UBR4: variants seen among roughly 807,000 people sequenced by gnomAD.
The protein encoded by UBR4 is ubiquitin protein ligase E3 component n-recognin 4, also known as E3 ubiquitin-protein ligase UBR4.
Under a neutral mutation model 575.6 loss-of-function variants are expected in UBR4, and 124 were observed. The ratio of observed to expected loss-of-function variants is 0.22; its 90% CI spans 0.19 to 0.25. The LOEUF (loss-of-function observed/expected upper bound fraction) is 0.25, where lower values mean the gene tolerates loss of function less well. Among genes scored for constraint, UBR4 ranks in the 10% least tolerant of loss-of-function variants. The pLI, the probability that UBR4 is intolerant of heterozygous loss-of-function variation, is 1.00. For synonymous variants in UBR4, 2,455 were observed against 2,473.7 expected (o/e 0.99, Z 0.22); for missense variants, 4,818 against 6,478.8 (o/e 0.74, Z 8.80).
chr1:19,145,351 A>G (rs1273507381), intron 53 of UBR4, among the ~76,000 whole-genome samples: 3 of 152,234 alleles, frequency 2.0e-5, no homozygotes, highest in Non-Finnish European at 4.4e-5. Context: ...CTATATTGCT[A>G]TTCAGACCCT....
chr1:19,107,397 C>T (rs2079336235), intron 81 of UBR4, among the ~76,000 whole-genome samples: 1 of 152,162 alleles, frequency 6.6e-6, no homozygotes, highest in African/African-American at 2.4e-5. Context: ...GCTGTTTGGC[C>T]TCAGAACCCT....
intron 14 of UBR4, 26 bp from the exon 15 acceptor site, chr1:19,185,312 A>C (rs2091414479): frequency 6.6e-7 from 1 of 1,503,808 alleles, no homozygotes; most frequent in Non-Finnish European, 8.9e-7. Context: ...TAAAGTAACG[A>C]AAATAAATAT....
rs1384169284 is a variant in UBR4, at chr1:19,156,780, A to G, written c.5906T>C (p.Val1969Ala). The G allele has an allele frequency of 6.2e-7, 1 of 1,613,316 alleles. No individual in the cohort carries two copies. The highest frequency in any genetic ancestry group is 1.1e-5 in the South Asian group (1 of 90,992). The change falls in exon 41 of 106, where the codon GTT becomes GCT. Residue 1969 changes from valine to alanine, a missense_variant. Val to Ala is a moderately conservative substitution (Grantham distance 64). Around this residue, in one of 29 missense-constraint regions of UBR4, gnomAD observed 461 missense variants for 606.9 expected, o/e 0.76. Coordinates refer to ENST00000375254, the MANE Select transcript of UBR4 (RefSeq NM_020765.3). ...CCGGATTTTTACCTTTAGCCCACAAACCGCCAAGTAGTCTTCCTTGCAGGG... is the reference window on the plus strand; with the variant it reads ...CCGGATTTTTACCTTTAGCCCACAAGCCGCCAAGTAGTCTTCCTTGCAGGG... ...GNPCKEDYLAVCGLKDCHVLT... is the reference protein window; with the variant it reads ...GNPCKEDYLAACGLKDCHVLT...
intron 52 of UBR4, 129 bp from the exon 53 acceptor site, chr1:19,146,062 C>G (rs776856786): frequency 6.4e-7 from 1 of 1,570,858 alleles, no homozygotes. Context: ...ATCAATATGC[C>G]AACTATCCCT....
chr1:19,116,341 A>G (rs901721214), intron 73 of UBR4, among the ~76,000 whole-genome samples: 5 of 152,222 alleles, frequency 3.3e-5, no homozygotes, highest in African/African-American at 1.2e-4. Flanking sequence ...TGCTGACTCC[A>G]CACAATGAAA....
intron 99 of UBR4, 134 bp from the exon 100 acceptor site, chr1:19,086,955 G>C (rs1436077983): frequency 2.4e-6 from 3 of 1,272,684 alleles, no homozygotes; most frequent in Admixed American, 2.7e-5. Flanking sequence ...GGGAAGTTCA[G>C]AAGAGCAGGT....
At chr1:19,179,259 A>C in intron 17 of UBR4, 39 bp from the exon 18 acceptor site, 4 of 1,498,848 alleles carry the variant, frequency 2.7e-6, no homozygotes, top group Non-Finnish European at 3.5e-6. Flanking sequence ...TAGCAAACAG[A>C]TACGGGATAA....
chr1:19,110,876 G>A lies in UBR4; in HGVS notation c.11802-44C>T. On this transcript the variant is annotated intron_variant, in intron 78 of 105. Coordinates refer to ENST00000375254, the MANE Select transcript of UBR4 (RefSeq NM_020765.3). This position sits in a 1 kb window ranked among gnomAD's most constrained non-coding sequence, Gnocchi z 4.5. ...ATGGAGTCCTATAATTCACAATCAG[G>A]TGTGACACTCCTTTCCACCTGAAGG... is the stretch of plus-strand genomic sequence containing the variant. 3 of 1,573,992 alleles carry A rather than the reference G, an allele frequency of 1.9e-6. No homozygotes were observed. Among genetic ancestry groups the A allele is most frequent in the Non-Finnish European group, 8.7e-7 (1 of 1,149,074 alleles).
rs150061363 is a variant in UBR4 at position 19,137,503 on chromosome 1, C to T, written c.8906+504G>A. The stretch of plus-strand genomic sequence containing the variant: ...AAATGGATTAGGATTTTATAGACCA[C>T]TTTCAATTTCAAAATGCTCCACCAC... On this transcript the variant is annotated intron_variant, in intron 60 of 105. Coordinates refer to ENST00000375254, the MANE Select transcript of UBR4 (RefSeq NM_020765.3). 3.9e-3 allele frequency among the ~76,000 whole-genome samples: 596 copies of T among 152,262 alleles called. 4 individuals are homozygous for T. The highest frequency in any genetic ancestry group is 0.014 in the Middle Eastern group (4 of 294).
chr1:19,139,598 T>C lies in UBR4; in HGVS notation c.8594-378A>G, dbSNP rs918007357. On this transcript the variant is annotated intron_variant, in intron 58 of 105. Coordinates refer to ENST00000375254, the MANE Select transcript of UBR4 (RefSeq NM_020765.3). The surrounding 1 kb of genome is among the most constrained non-coding windows in gnomAD (Gnocchi z 4.2). Reference sequence around the variant, plus strand: ...TGCTTCATGGTCACCATTGTTTAGGTGTTACTGACACCTGCTGAGAGATCT... The same window carrying C: ...TGCTTCATGGTCACCATTGTTTAGGCGTTACTGACACCTGCTGAGAGATCT... 3.9e-5 allele frequency among the ~76,000 whole-genome samples: 6 copies of C among 152,210 alleles called. No homozygotes were observed. Among genetic ancestry groups the C allele is most frequent in the Non-Finnish European group, 8.8e-5 (6 of 68,034 alleles).
intron 68 of UBR4, 82 bp from the exon 69 acceptor site, chr1:19,120,430 AG>A: frequency 6.7e-7 from 1 of 1,498,588 alleles, no homozygotes; most frequent in Admixed American, 2.1e-5. Flanking sequence ...CCAAATGGTG[AG>A]GGAGGGAATT....
chr1:19,137,919 C>T, intron 60 of UBR4, 88 bp downstream of exon 60: 2 of 1,301,254 alleles, frequency 1.5e-6, no homozygotes, highest in Non-Finnish European at 2.0e-6. Context: ...GTTATCACTA[C>T]TCTACCTCCT....
At chr1:19,185,424 T>C in intron 14 of UBR4, 138 bp from the exon 15 acceptor site, 1 of 836,830 alleles carries the variant, frequency 1.2e-6, no homozygotes, top group Non-Finnish European at 1.7e-6. Flanking sequence ...ATTGCATTTG[T>C]GTATCAAAAC....
chr1:19,180,907 T>TTCC (rs2090877784), intron 17 of UBR4, among the ~76,000 whole-genome samples: 1 of 152,164 alleles, frequency 6.6e-6, no homozygotes, highest in African/African-American at 2.4e-5. Flanking sequence ...GAGTCCTCCC[T>TTCC]TCCTCCACTC....
At chr1:19,080,191 A>T (rs2076344859) in intron 103 of UBR4, 1 of 152,228 alleles carries the variant, frequency 6.6e-6, no homozygotes, top group Admixed American at 6.5e-5. Context: ...CAGCTAGTTA[A>T]CTATTAATTC....
chr1:19,184,718 G>A (rs1331863895), intron 15 of UBR4, among the ~76,000 whole-genome samples: 1 of 152,138 alleles, frequency 6.6e-6, no homozygotes, highest in Non-Finnish European at 1.5e-5. Flanking sequence ...TGAACCAACA[G>A]TTCAACCACA....
Position 19,122,857 on chromosome 1 carries a change from C to T in UBR4, c.9792G>A (p.Leu3264=), listed in dbSNP as rs754325190. 2 of 1,614,134 alleles carry T rather than the reference C, an allele frequency of 1.2e-6. No homozygotes were observed. Among genetic ancestry groups the T allele is most frequent in the Admixed American group, 1.7e-5 (1 of 60,004 alleles). Residue 3264 remains leucine, a synonymous_variant, in exon 66 of 106, where the codon TTG becomes TTA. Coordinates refer to ENST00000375254, the MANE Select transcript of UBR4 (RefSeq NM_020765.3). Reference sequence around the variant, plus strand: ...CCAGGCTGATGAGTGTGTCATATTGCAAGGCGGAGCCTGAGCTGGCTGTAA... The same window carrying T: ...CCAGGCTGATGAGTGTGTCATATTGTAAGGCGGAGCCTGAGCTGGCTGTAA... ...SVVTASSGSA[L]QYDTLISLME... is the part of the protein sequence containing the mutation.
At position 19,152,605 on chromosome 1, in the gene UBR4, G is replaced by C. The variant is rs769816127; in HGVS notation, c.6833-129C>G. ...AAGCAAACTCTGGATTATAACATTT[G>C]CATCGGCATGATGCCTACATGTGGT... On this transcript the variant is annotated intron_variant, in intron 46 of 105. Transcript: ENST00000375254. The surrounding 1 kb of genome is among the most constrained non-coding windows in gnomAD (Gnocchi z 4.4). 4 of 1,249,174 alleles carry C rather than the reference G, an allele frequency of 3.2e-6. No homozygotes were observed. Among genetic ancestry groups the C allele is most frequent in the African/African-American group, 1.5e-5 (1 of 66,852 alleles). The allele number at this position is 1,249,174 out of a possible 1,614,324, so 77.4% of individuals were successfully genotyped here.
intron 1 of UBR4, among the ~76,000 whole-genome samples, chr1:19,202,729 T>C (rs923710555): frequency 5.3e-5 from 8 of 152,168 alleles, no homozygotes; most frequent in African/African-American, 1.9e-4. Flanking sequence ...GTTTAAAGGC[T>C]GGATACATTT....
Sources: allele counts gnomAD v4.1 joint callset (sites outside exome capture counted in the v4.1 genomes callset), GRCh38; gene constraint gnomAD v4.1.1; regional missense constraint gnomAD v4.1.1; non-coding constraint Gnocchi (gnomAD v3.1); transcripts MANE v1.5; gene names NCBI Gene and HGNC (gene_info 2026-07-23, HGNC 2026-07-21).